IRAG2: variants seen among roughly 807,000 people sequenced by gnomAD.
IRAG2 encodes the protein lymphoid restricted membrane protein.
A neutral mutation model predicts 69.9 loss-of-function variants in IRAG2; 45 were observed. The observed-to-expected ratio is 0.64, with a 90% confidence interval of 0.51 to 0.83. The LOEUF (loss-of-function observed/expected upper bound fraction) is 0.83, where lower values mean the gene tolerates loss of function less well. Ranked by LOEUF, IRAG2 falls within the 40% of genes least tolerant of loss-of-function variation. IRAG2 has a pLI of 0.00. For synonymous variants in IRAG2, 193 were observed against 202.4 expected, an observed-to-expected ratio of 0.95 and a Z score of 0.40; for missense variants, 520 against 587.0, an observed-to-expected ratio of 0.89 and a Z score of 1.18.
At chr12:25,032,958 CT>C (rs11349391) in intron 12 of IRAG2, among the ~76,000 whole-genome samples, 81,900 of 135,938 alleles carry the variant, frequency 0.6, 24,291 homozygotes, top group South Asian at 0.7. Context: ...CTCTTTCTTT[CT>C]TTTTTTTTTT....
intron 1 of IRAG2, among the ~76,000 whole-genome samples, chr12:25,060,668 C>CTTTTTTTTTTTTTT (rs753591747): frequency 1.0e-5 from 1 of 99,288 alleles, no homozygotes; most frequent in Non-Finnish European, 1.9e-5. Flanking sequence ...AATGTATTTT[C>CTTTTTTTTTTTTTT]TTTTTTTTTT....
chr12:25,032,979 TG>T (rs1944680247), intron 12 of IRAG2, among the ~76,000 whole-genome samples: 2 of 144,628 alleles, frequency 1.4e-5, no homozygotes, highest in Non-Finnish European at 3.0e-5. Flanking sequence ...TTTTTGGAGG[TG>T]GAGTCTTGCT....
chr12:25,072,365 G>T lies in IRAG2; in HGVS notation c.24+2934G>T, dbSNP rs899182940. On this transcript the variant is annotated intron_variant, in intron 6 of 21. Transcript: ENST00000556887. ...AATTAGTCTGTTGGCTGCACCTTCT[G>T]ACTGATCCCACCAATTCTCAACCTT... Among the ~76,000 whole-genome samples the T allele has an allele frequency of 2.6e-5, 4 of 152,238 alleles. No individual in the cohort carries two copies. In the East Asian group the frequency reaches 7.7e-4, roughly 29 times the overall value.
At chr12:25,005,430 G>A in intron 2 of IRAG2, 1 of 593,288 alleles carries the variant, frequency 1.7e-6, no homozygotes, top group Non-Finnish European at 2.5e-6. Flanking sequence ...TGAGAGAAAG[G>A]GAAATGATTT....
intron 6 of IRAG2, among the ~76,000 whole-genome samples, chr12:25,077,352 G>GAAAT (rs1405265840): frequency 0.066 from 1,557 of 23,628 alleles, 168 homozygotes; most frequent in Non-Finnish European, 0.11. Flanking sequence ...ATATATATAT[G>GAAAT]ATATATATGA....
chr12:25,041,501 A>G (rs1480137954), intron 16 of IRAG2, among the ~76,000 whole-genome samples: 1 of 151,972 alleles, frequency 6.6e-6, no homozygotes. Flanking sequence ...TTTTTTTTCA[A>G]GACAGAGTCT....
intron 10 of IRAG2, among the ~76,000 whole-genome samples, chr12:25,084,539 G>GA: frequency 8.2e-6 from 1 of 121,714 alleles, no homozygotes; most frequent in East Asian, 2.8e-4. Context: ...ATGCATGGAG[G>GA]GGTGTGTGTG....
chr12:25,039,567 A>C (rs747268924), intron 16 of IRAG2, among the ~76,000 whole-genome samples: 10 of 152,120 alleles, frequency 6.6e-5, no homozygotes, highest in Non-Finnish European at 1.3e-4. Flanking sequence ...AGTAGCTGGG[A>C]CTACAGGCGC....
intron 6 of IRAG2, among the ~76,000 whole-genome samples, chr12:25,018,434 G>C (rs1223535022): frequency 2.0e-5 from 3 of 151,910 alleles, no homozygotes; most frequent in Non-Finnish European, 4.4e-5. Context: ...TACAATGCCT[G>C]GTCTCAAGCA....
chr12:25,021,381 A>C (rs1944579413), intron 7 of IRAG2, among the ~76,000 whole-genome samples: 1 of 152,202 alleles, frequency 6.6e-6, no homozygotes, highest in Non-Finnish European at 1.5e-5. Flanking sequence ...AGGAGAATTC[A>C]AAAATATCTG....
At chr12:25,070,468 C>T (rs1443707981) in intron 6 of IRAG2, among the ~76,000 whole-genome samples, 2 of 152,158 alleles carry the variant, frequency 1.3e-5, no homozygotes, top group Non-Finnish European at 2.9e-5. Context: ...GATATCAGTA[C>T]TTCATTCATT....
At position 25,052,907 on chromosome 12, in the gene IRAG2, A is replaced by T; in HGVS notation, c.-496A>T. The T allele has an allele frequency of 2.5e-6, 1 of 398,592 alleles. No individual in the cohort carries two copies. Among genetic ancestry groups the T allele is most frequent in the Non-Finnish European group, 4.4e-6 (1 of 226,048 alleles). The allele number at this position is 398,592 out of a possible 1,614,324, so 24.7% of individuals were successfully genotyped here. On this transcript the variant is annotated 5_prime_UTR_variant, in exon 1 of 22. Transcript: ENST00000556887. ...GGAACCTTCAAACTATAAATACTGAATTATCGAACACTTGCCAGGCACTTC... is the reference window on the plus strand; with the variant it reads ...GGAACCTTCAAACTATAAATACTGATTTATCGAACACTTGCCAGGCACTTC...
At chr12:25,076,543 C>T (rs1946701663) in intron 6 of IRAG2, 17 of 984,814 alleles carry the variant, frequency 1.7e-5, no homozygotes, top group Non-Finnish European at 2.0e-5. Context: ...ATGATGTACT[C>T]TCTTTTCCCC....
intron 9 of IRAG2, among the ~76,000 whole-genome samples, chr12:25,080,132 A>T (rs1223763511): frequency 6.6e-6 from 1 of 152,178 alleles, no homozygotes; most frequent in Non-Finnish European, 1.5e-5. Context: ...GTTCGAATTT[A>T]TCAGGTTAGA....
At chr12:25,075,451 T>C (rs183740626) in intron 6 of IRAG2, among the ~76,000 whole-genome samples, 2 of 152,268 alleles carry the variant, frequency 1.3e-5, no homozygotes, top group East Asian at 3.9e-4. Flanking sequence ...CAATTAATCT[T>C]AAAAGTTATT....
rs535277964 is a variant in IRAG2 at position 25,040,843 on chromosome 12, G to A, written c.2144+2706G>A. On this transcript the variant is annotated intron_variant, in intron 16 of 38. Transcript: ENST00000636465. ...TTCCACCCCTTCCCCAACCCCAGAT[G>A]ATAAGCAATTATAGGAAATAAGACA... Among the ~76,000 whole-genome samples, 4 of 152,258 alleles carry A rather than the reference G, an allele frequency of 2.6e-5. No individual in the cohort carries two copies. In the East Asian group the frequency reaches 7.7e-4, roughly 29 times the overall value.
At position 25,061,383 on chromosome 12, in the gene IRAG2, G is replaced by C. The variant is rs146869239; in HGVS notation, c.-446-209G>C. On this transcript the variant is annotated intron_variant, in intron 1 of 21. Transcript: ENST00000556887. ...TACAAAAAATACCAAAACTAGCTGA[G>C]TGTGGGTGGCATGTGCCTGTAATTC... Among the ~76,000 whole-genome samples, 303 of 152,272 alleles carry C rather than the reference G, an allele frequency of 2.0e-3. 1 individual carries two copies. The highest frequency in any genetic ancestry group is 7.0e-3 in the African/African-American group (290 of 41,556).
intron 6 of IRAG2, among the ~76,000 whole-genome samples, chr12:25,019,166 G>T (rs545280650): frequency 3.9e-5 from 6 of 152,264 alleles, no homozygotes; most frequent in African/African-American, 1.2e-4. Context: ...AGCATCTAGG[G>T]GTTGCCCACA....
chr12:25,052,518 G>C, upstream of IRAG2: 1 of 397,064 alleles, frequency 2.5e-6, no homozygotes, highest in Non-Finnish European at 4.4e-6. Context: ...AAGTAAAGGG[G>C]GAGTTGTAAG....
Sources: allele counts gnomAD v4.1 joint callset (sites outside exome capture counted in the v4.1 genomes callset), GRCh38; gene constraint gnomAD v4.1.1; transcripts MANE v1.5; gene names NCBI Gene and HGNC (gene_info 2026-07-23, HGNC 2026-07-21).